LMOD1: variants seen among roughly 807,000 people sequenced by gnomAD.
The protein encoded by LMOD1 is leiomodin-1.
LMOD1 carries 8 observed loss-of-function variants against 36.5 expected under a neutral mutation model. The observed-to-expected ratio is 0.22, with a 90% CI of 0.13 to 0.40. The LOEUF is 0.40. Among genes scored for constraint, LMOD1 ranks in the 10% least tolerant of loss-of-function variants. LMOD1 has a pLI of 1.00. For synonymous variants in LMOD1, 284 were observed against 288.7 expected (o/e 0.98, Z 0.17); for missense variants, 630 against 751.1 (o/e 0.84, Z 1.88).
intron 1 of LMOD1, among the ~76,000 whole-genome samples, chr1:201,924,650 GAGAAAGAAAGAAAAAAAAGAA>G (rs1470345201): frequency 8.2e-6 from 1 of 121,852 alleles, no homozygotes; most frequent in East Asian, 2.6e-4. Flanking sequence ...GAAAGAAAGA[GAGAAAGAAAGAAAAAAAAGAA>G]AGAAAGAAAG....
Position 201,903,874 on chromosome 1 carries a change from C to G in LMOD1, c.262-3123G>C, listed in dbSNP as rs145467507. ...CCAGAGTTCCCACGCCACTTGTAGG[C>G]TTCACTCAGAGAGAAACTGGGGATC... On this transcript the variant is annotated intron_variant, in intron 1 of 2. Coordinates refer to ENST00000367288, the MANE Select transcript of LMOD1 (RefSeq NM_012134.3). Among the ~76,000 whole-genome samples the G allele has an allele frequency of 3.7e-3, 564 of 152,330 alleles. 3 individuals are homozygous for G. Among genetic ancestry groups the G allele is most frequent in the African/African-American group, 9.9e-3 (410 of 41,568 alleles).
chr1:201,914,320 A>T (rs1681563865), intron 1 of LMOD1, among the ~76,000 whole-genome samples: 1 of 152,122 alleles, frequency 6.6e-6, no homozygotes, highest in African/African-American at 2.4e-5. Context: ...AATGCTGAGG[A>T]CCAGCTTGAG....
At chr1:201,938,131 C>CT (rs200629884) in intron 1 of LMOD1, among the ~76,000 whole-genome samples, 18,679 of 139,348 alleles carry the variant, frequency 0.13, 1,370 homozygotes, top group East Asian at 0.26. Context: ...TTGTAATTTC[C>CT]TTTTTTTTTT....
At chr1:201,944,992 T>C (rs1258131079) in intron 1 of LMOD1, among the ~76,000 whole-genome samples, 2 of 152,070 alleles carry the variant, frequency 1.3e-5, no homozygotes, top group African/African-American at 4.8e-5. Flanking sequence ...TCCATAGAAG[T>C]AAAACAAAAA....
At chr1:201,939,814 T>C (rs1413738966) in intron 1 of LMOD1, among the ~76,000 whole-genome samples, 1 of 152,116 alleles carries the variant, frequency 6.6e-6, no homozygotes, top group Non-Finnish European at 1.5e-5. Context: ...ACTGCCTATC[T>C]CTTGGTGTGC....
chr1:201,927,438 T>C (rs1480669571), intron 1 of LMOD1, among the ~76,000 whole-genome samples: 4 of 152,010 alleles, frequency 2.6e-5, no homozygotes, highest in East Asian at 3.9e-4. Context: ...TGGTGGCGTG[T>C]GCCTGTAATC....
chr1:201,902,123 A>T (rs1164185122), intron 1 of LMOD1, among the ~76,000 whole-genome samples: 1 of 151,952 alleles, frequency 6.6e-6, no homozygotes, highest in Non-Finnish European at 1.5e-5. Context: ...ATCTACCATC[A>T]TCATCTCATT....
At chr1:201,898,932 A>T (rs1681239770) in intron 2 of LMOD1, among the ~76,000 whole-genome samples, 1 of 152,230 alleles carries the variant, frequency 6.6e-6, no homozygotes, top group Non-Finnish European at 1.5e-5. Flanking sequence ...TACTCTGTAG[A>T]GGCCATTTCT....
At chr1:201,901,952 T>C (rs1195166957) in intron 1 of LMOD1, among the ~76,000 whole-genome samples, 1 of 106,012 alleles carries the variant, frequency 9.4e-6, no homozygotes, top group East Asian at 2.9e-4. Flanking sequence ...ATCATTATTA[T>C]TGTTATTATT....
chr1:201,935,959 C>T (rs1437014304), intron 1 of LMOD1, among the ~76,000 whole-genome samples: 1 of 150,152 alleles, frequency 6.7e-6, no homozygotes, highest in African/African-American at 2.5e-5. Flanking sequence ...ACTGAAAATA[C>T]AAAAAATTAG....
chr1:201,923,913 GAGAGAGA>G, intron 1 of LMOD1, among the ~76,000 whole-genome samples: 1 of 146,960 alleles, frequency 6.8e-6, no homozygotes, highest in African/African-American at 2.5e-5. Flanking sequence ...GGGAGGGAGA[GAGAGAGA>G]GAGAGAGAGA....
At chr1:201,942,132 TG>T (rs1368743956) in intron 1 of LMOD1, among the ~76,000 whole-genome samples, 1 of 152,128 alleles carries the variant, frequency 6.6e-6, no homozygotes, top group Non-Finnish European at 1.5e-5. Context: ...GGAGAGAAGC[TG>T]GGGTCAATTC....
chr1:201,924,661 AAAAAAAAGAAAG>A (rs59592248), intron 1 of LMOD1, among the ~76,000 whole-genome samples: 1,655 of 136,822 alleles, frequency 0.012, 38 homozygotes, highest in African/African-American at 0.04. Flanking sequence ...AGAAAGAAAG[AAAAAAAAGAAAG>A]AAAGAAAGAA....
At chr1:201,936,537 A>T (rs1421246073) in intron 1 of LMOD1, among the ~76,000 whole-genome samples, 1 of 152,006 alleles carries the variant, frequency 6.6e-6, no homozygotes, top group African/African-American at 2.4e-5. Flanking sequence ...TTCCTCTGAC[A>T]TGCTAACCCT....
chr1:201,916,149 C>T (rs1681606754), intron 1 of LMOD1, among the ~76,000 whole-genome samples: 1 of 151,856 alleles, frequency 6.6e-6, no homozygotes, highest in Admixed American at 6.6e-5. Flanking sequence ...AACTTCTGGG[C>T]TCAAGCGATC....
At chr1:201,906,533 G>A (rs982478398) in intron 1 of LMOD1, among the ~76,000 whole-genome samples, 1 of 152,174 alleles carries the variant, frequency 6.6e-6, no homozygotes, top group Admixed American at 6.5e-5. Context: ...AGCTGACTAT[G>A]GGCTGGAGGG....
At chr1:201,922,377 T>C (rs1049212291) in intron 1 of LMOD1, among the ~76,000 whole-genome samples, 1 of 152,218 alleles carries the variant, frequency 6.6e-6, no homozygotes, top group African/African-American at 2.4e-5. Context: ...CAAAATGTCA[T>C]ACCTCATTAA....
intron 1 of LMOD1, among the ~76,000 whole-genome samples, chr1:201,908,079 A>G (rs980371056): frequency 6.6e-6 from 1 of 152,134 alleles, no homozygotes; most frequent in Admixed American, 6.5e-5. Flanking sequence ...GCCTCCCCCA[A>G]AAGGCCAGCA....
chr1:201,914,397 A>T (rs1021520301), intron 1 of LMOD1, among the ~76,000 whole-genome samples: 1 of 152,102 alleles, frequency 6.6e-6, no homozygotes, highest in Non-Finnish European at 1.5e-5. Flanking sequence ...TGCCTTCCTC[A>T]TCTGTAAAAC....
Sources: gnomAD v4.1 joint callset for allele counts (sites outside exome capture counted in the v4.1 genomes callset) on GRCh38, gnomAD v4.1.1 for gene constraint, MANE v1.5 for transcripts, NCBI Gene and HGNC (gene_info 2026-07-23, HGNC 2026-07-21) for gene names.